DENND2B: variants seen among roughly 807,000 people sequenced by gnomAD.
DENND2B encodes DENN domain-containing protein 2B.
Under a neutral mutation model 116.0 loss-of-function variants are expected in DENND2B, and 32 were observed. The ratio of observed to expected loss-of-function variants is 0.28; its 90% CI spans 0.21 to 0.37. The LOEUF (loss-of-function observed/expected upper bound fraction) is 0.37, where lower values mean the gene tolerates loss of function less well. DENND2B is among the 10% of genes least tolerant of loss of function. The pLI, the probability that DENND2B is intolerant of heterozygous loss-of-function variation, is 1.00. For missense variants in DENND2B, 1,276 were observed against 1,477.7 expected (o/e 0.86, Z 2.24); for synonymous variants, 588 against 583.9 (o/e 1.01, Z -0.10).
intron 1 of DENND2B, chr11:8,871,151 C>G (rs1044926320): frequency 1.3e-5 from 2 of 151,994 alleles, no homozygotes; most frequent in East Asian, 3.9e-4. Flanking sequence ...GGATGTGCGC[C>G]TCCACCCAAG....
chr11:8,758,983 C>A (rs1168523468), intron 1 of DENND2B, among the ~76,000 whole-genome samples: 1 of 152,202 alleles, frequency 6.6e-6, no homozygotes, highest in Non-Finnish European at 1.5e-5. Context: ...CCCCTCACTG[C>A]CACAGGAGGA....
intron 2 of DENND2B, among the ~76,000 whole-genome samples, chr11:8,860,864 A>G (rs1456998281): frequency 6.6e-6 from 1 of 152,198 alleles, no homozygotes; most frequent in Non-Finnish European, 1.5e-5. Flanking sequence ...AACAGAATAG[A>G]GAACCCAGAA....
At chr11:8,756,570 C>T (rs1207633333) in intron 1 of DENND2B, among the ~76,000 whole-genome samples, 1 of 152,228 alleles carries the variant, frequency 6.6e-6, no homozygotes, top group Admixed American at 6.5e-5. Flanking sequence ...TACTCACCAG[C>T]CTCCCCACCA....
intron 13 of DENND2B, among the ~76,000 whole-genome samples, chr11:8,704,287 A>G (rs1261443086): frequency 6.6e-6 from 1 of 152,206 alleles, no homozygotes; most frequent in Non-Finnish European, 1.5e-5. Context: ...AGGTCAGGGA[A>G]GCCTCTCAGA....
At chr11:8,756,202 T>TA (rs145508963) in intron 1 of DENND2B, among the ~76,000 whole-genome samples, 3,044 of 152,252 alleles carry the variant, frequency 0.02, 91 homozygotes, top group African/African-American at 0.065. Flanking sequence ...TGAAACATGT[T>TA]AAAAAAACAT....
At position 8,702,566 on chromosome 11, in the gene DENND2B, C is replaced by T; in HGVS notation, c.2720+6G>A. On this transcript the variant is annotated splice_donor_region_variant and intron_variant, in intron 14 of 19. Coordinates refer to ENST00000313726, the MANE Select transcript of DENND2B (RefSeq NM_213618.2). This position sits in a 1 kb window ranked among gnomAD's most constrained non-coding sequence, Gnocchi z 4.6. ...CCTTCTGCTTTCTTGCCCGGCTGGG[C>T]CCTACCTGAGCTTATCTGCCACAAA... The T allele has an allele frequency of 1.2e-6, 2 of 1,611,266 alleles. No homozygotes were observed. Among genetic ancestry groups the T allele is most frequent in the South Asian group, 1.1e-5 (1 of 91,082 alleles).
chr11:8,901,229 C>CTTTTCTTTTCTTTTTTTTTTTTT (rs781408078), intron 1 of DENND2B, among the ~76,000 whole-genome samples: 1 of 83,918 alleles, frequency 1.2e-5, no homozygotes, highest in Non-Finnish European at 2.2e-5. Flanking sequence ...CTTTTCTTTT[C>CTTTTCTTTTCTTTTTTTTTTTTT]TTTTTTTTTT....
At chr11:8,718,093 C>CCCACCCCG in intron 4 of DENND2B, 1 of 49,746 alleles carries the variant, frequency 2.0e-5, no homozygotes, top group Non-Finnish European at 3.5e-5. Flanking sequence ...CAGAAGCAGA[C>CCCACCCCG]CCACCCCCCC....
chr11:8,743,128 G>C (rs1171902177), intron 2 of DENND2B, among the ~76,000 whole-genome samples: 1 of 152,276 alleles, frequency 6.6e-6, no homozygotes, highest in South Asian at 2.1e-4. Context: ...GTATGTGTGT[G>C]TGTGTGAGTG....
At chr11:8,780,056 AG>A (rs915773730) in intron 1 of DENND2B, among the ~76,000 whole-genome samples, 1 of 152,178 alleles carries the variant, frequency 6.6e-6, no homozygotes, top group African/African-American at 2.4e-5. Context: ...GAGCAGGAGA[AG>A]GGGGGCAGTA....
intron 1 of DENND2B, among the ~76,000 whole-genome samples, chr11:8,798,321 G>C (rs1262305532): frequency 6.6e-6 from 1 of 152,214 alleles, no homozygotes; most frequent in Non-Finnish European, 1.5e-5. Context: ...AAGAGAGGCA[G>C]AGTTAGATTC....
intron 4 of DENND2B, among the ~76,000 whole-genome samples, chr11:8,827,525 G>C (rs1280840852): frequency 6.6e-6 from 1 of 152,226 alleles, no homozygotes; most frequent in Admixed American, 6.5e-5. Flanking sequence ...CAGAGGAGAT[G>C]AAGAAGGGGT....
intron 19 of DENND2B, among the ~76,000 whole-genome samples, chr11:8,695,099 A>C (rs2133650432): frequency 6.6e-6 from 1 of 152,130 alleles, no homozygotes; most frequent in African/African-American, 2.4e-5. Context: ...AAAATAACAA[A>C]ATTTATATTA....
chr11:8,695,659 A>AT, intron 18 of DENND2B, 110 bp from the exon 19 acceptor site: 1 of 895,744 alleles, frequency 1.1e-6, no homozygotes, highest in Non-Finnish European at 1.8e-6. Flanking sequence ...GAGAAAGAAA[A>AT]CATCTGGGAT....
chr11:8,693,499 T>C lies in DENND2B; in HGVS notation c.*597A>G, dbSNP rs1418534005. On this transcript the variant is annotated 3_prime_UTR_variant, in exon 20 of 20. Coordinates refer to ENST00000313726, the MANE Select transcript of DENND2B (RefSeq NM_213618.2). ...TGGGGGTGGGCTTCCCATGACACAC[T>C]GACCATCTCGGAGGGTGGGAGGAAT... 6.5e-6 allele frequency: 1 copy of C among 152,774 alleles called. No homozygotes were observed. The highest frequency in any genetic ancestry group is 1.5e-5 in the Non-Finnish European group (1 of 68,202). 9.5% of individuals were successfully genotyped at this position (152,774 alleles called of 1,614,324 possible).
At chr11:8,900,430 CAAA>C (rs3047629) in intron 1 of DENND2B, among the ~76,000 whole-genome samples, 74 of 114,702 alleles carry the variant, frequency 6.5e-4, no homozygotes, top group Middle Eastern at 4.1e-3. Flanking sequence ...GACTCCATCT[CAAA>C]AAAAAAAAAA....
intron 19 of DENND2B, chr11:8,694,481 T>C (rs1437449100): frequency 1.1e-5 from 5 of 468,174 alleles, no homozygotes; most frequent in African/African-American, 7.9e-5. Context: ...TGTTATGGTC[T>C]AGAGGAAAGC....
At chr11:8,698,158 AAAAAAAAAG>A (rs1382419414) in intron 16 of DENND2B, among the ~76,000 whole-genome samples, 4 of 147,504 alleles carry the variant, frequency 2.7e-5, no homozygotes, top group Non-Finnish European at 5.9e-5. Context: ...AAAAAAAAAA[AAAAAAAAAG>A]GGGGTAGAGC....
intron 3 of DENND2B, among the ~76,000 whole-genome samples, chr11:8,845,011 A>G (rs1388621067): frequency 6.6e-6 from 1 of 152,140 alleles, no homozygotes; most frequent in Non-Finnish European, 1.5e-5. Context: ...CAAAGTGTTC[A>G]GATTACAGGT....
Sources: gnomAD v4.1 joint callset for allele counts (sites outside exome capture counted in the v4.1 genomes callset) on GRCh38, gnomAD v4.1.1 for gene constraint, Gnocchi (gnomAD v3.1) non-coding constraint, MANE v1.5 for transcripts, NCBI Gene and HGNC (gene_info 2026-07-23, HGNC 2026-07-21) for gene names.